Variants in RBM23 observed in about 807,000 individuals in gnomAD.
RBM23 encodes the protein probable RNA-binding protein 23.
Under a neutral mutation model 56.2 loss-of-function variants are expected in RBM23, and 53 were observed. The observed-to-expected ratio is 0.94, with a 90% CI of 0.76 to 1.19. The LOEUF (loss-of-function observed/expected upper bound fraction) is 1.19, where lower values mean the gene tolerates loss of function less well. Ranked by LOEUF, RBM23 falls within the 50% of genes most tolerant of loss-of-function variation. The pLI is 0.00. For synonymous variants in RBM23, 197 were observed against 198.5 expected, an observed-to-expected ratio of 0.99 and a Z score of 0.06; for missense variants, 642 against 590.3, an observed-to-expected ratio of 1.09 and a Z score of -0.91.
chr14:22,904,008 T>G, intron 10 of RBM23: 6 of 1,423,400 alleles, frequency 4.2e-6, no homozygotes, highest in Non-Finnish European at 5.5e-6. Flanking sequence ...AAGAGCCAAG[T>G]TGCAGCACCA....
At chr14:22,904,140 G>A (rs968568773) in intron 10 of RBM23, 121 bp downstream of exon 10, 1 of 1,574,420 alleles carries the variant, frequency 6.4e-7, no homozygotes, top group Non-Finnish European at 8.6e-7. Context: ...CAAGCTTCAG[G>A]CACCAGGGTT....
intron 10 of RBM23, chr14:22,903,799 C>A: frequency 9.6e-7 from 1 of 1,036,980 alleles, no homozygotes. Context: ...CACTATTCTC[C>A]CCATAGTGCT....
Position 22,899,409 on chromosome 14 carries a change from C to G in RBM23, c.*2321G>C, listed in dbSNP as rs544174125. ...CTTTTCTGTTTTTTTGAGATGGAGG[C>G]TCGCTCTGTTGCCCAGGCTGGAGTG... On this transcript the variant is annotated 3_prime_UTR_variant, in exon 14 of 14. Coordinates refer to ENST00000359890, the MANE Select transcript of RBM23 (RefSeq NM_001077351.2). 6.6e-6 allele frequency: 1 copy of G among 152,456 alleles called. No homozygotes were observed. The highest frequency in any genetic ancestry group is 1.5e-5 in the Non-Finnish European group (1 of 68,154). 9.4% of individuals were successfully genotyped at this position (152,456 alleles called of 1,614,324 possible).
rs1372017674 is a variant in RBM23, at chr14:22,895,837, G to C, written c.*5893C>G. 2 of 152,094 alleles carry C rather than the reference G, an allele frequency of 1.3e-5. No homozygotes were observed. Among genetic ancestry groups the C allele is most frequent in the African/African-American group, 2.4e-5 (1 of 41,414 alleles). The allele number at this position is 152,094 out of a possible 1,614,324, so 9.4% of individuals were successfully genotyped here. ...CTGCCAGACAAAGCTAATGGTGTTA[G>C]GTACCTTGAAGGTACCTGTGAGGGG... is the stretch of plus-strand genomic sequence containing the variant. On this transcript the variant is annotated 3_prime_UTR_variant, in exon 14 of 14. Coordinates refer to ENST00000359890, the MANE Select transcript of RBM23 (RefSeq NM_001077351.2).
chr14:22,904,249 C>CT lies in RBM23; in HGVS notation c.930+11dup, dbSNP rs757649567. ...AAAGTAAAATAAAAAAATTAAAAGA[C>CT]TAGAGACTCACCGTGATGAAACCAT... On this transcript the variant is annotated intron_variant, in intron 10 of 13. Coordinates refer to ENST00000359890, the MANE Select transcript of RBM23 (RefSeq NM_001077351.2). The CT allele has an allele frequency of 1.7e-5, 27 of 1,614,054 alleles. No homozygotes were observed. In the South Asian group the frequency reaches 2.4e-4, roughly 14 times the overall value.
At chr14:22,918,277 C>T (rs2043917699) in intron 1 of RBM23, among the ~76,000 whole-genome samples, 1 of 152,164 alleles carries the variant, frequency 6.6e-6, no homozygotes, top group Non-Finnish European at 1.5e-5. Context: ...CGCCTGTAAT[C>T]CCAGCTACTC....
intron 10 of RBM23, chr14:22,903,989 T>C (rs2041072481): frequency 1.1e-5 from 15 of 1,388,680 alleles, no homozygotes; most frequent in Non-Finnish European, 1.4e-5. Context: ...GCCTGGTTAC[T>C]ATTACCCAAA....
chr14:22,904,241 T>A lies in RBM23; in HGVS notation c.930+20A>T. The A allele has an allele frequency of 6.2e-7, 1 of 1,613,972 alleles. No individual in the cohort carries two copies. The highest frequency in any genetic ancestry group is 2.2e-5 in the East Asian group (1 of 44,868). On this transcript the variant is annotated intron_variant, in intron 10 of 13. Coordinates refer to ENST00000359890, the MANE Select transcript of RBM23 (RefSeq NM_001077351.2). ...ACAAACCCAAAGTAAAATAAAAAAA[T>A]TAAAAGACTAGAGACTCACCGTGAT...
At position 22,910,705 on chromosome 14, in the gene RBM23, T is replaced by TA. The variant is rs1024780669; in HGVS notation, c.66+622dup. Among the ~76,000 whole-genome samples, 5 of 151,658 alleles carry TA rather than the reference T, an allele frequency of 3.3e-5. 1 individual carries two copies. The highest frequency in any genetic ancestry group is 9.7e-5 in the African/African-American group (4 of 41,360). Reference sequence around the variant, plus strand: ...GCAACATAGCAAGACCCTGTCTCTATAAAAAATATATTAAAAAAGAAACTG... The same window carrying TA: ...GCAACATAGCAAGACCCTGTCTCTATAAAAAAATATATTAAAAAAGAAACTG... On this transcript the variant is annotated intron_variant, in intron 2 of 13. Coordinates refer to ENST00000359890, the MANE Select transcript of RBM23 (RefSeq NM_001077351.2).
chr14:22,904,044 C>T, intron 10 of RBM23: 2 of 1,498,308 alleles, frequency 1.3e-6, no homozygotes, highest in Non-Finnish European at 1.8e-6. Flanking sequence ...CTCCTGAACA[C>T]CCCCATACCA....
At chr14:22,910,730 G>A (rs980205587) in intron 2 of RBM23, among the ~76,000 whole-genome samples, 12 of 151,568 alleles carry the variant, frequency 7.9e-5, no homozygotes, top group African/African-American at 2.9e-4. Context: ...AAAAGAAACT[G>A]GGACGGGCGC....
At chr14:22,911,527 T>C in intron 1 of RBM23, 124 bp from the exon 2 acceptor site, 1 of 746,802 alleles carries the variant, frequency 1.3e-6, no homozygotes. Flanking sequence ...TTCTGTTTCT[T>C]GAACTGCAAA....
At position 22,904,303 on chromosome 14, in the gene RBM23, C is replaced by G; in HGVS notation, c.888G>C (p.Lys296Asn). 6.2e-7 allele frequency: 1 copy of G among 1,611,070 alleles called. No homozygotes were observed. The highest frequency in any genetic ancestry group is 8.5e-7 in the Non-Finnish European group (1 of 1,177,490). ...CTTTAGAGCGGCCTGTATCTGAGTCCTTCATCAGGACAATATTATCAATCT... is the reference window on the plus strand; with the variant it reads ...CTTTAGAGCGGCCTGTATCTGAGTCGTTCATCAGGACAATATTATCAATCT... Reference protein sequence around the residue: ...FGKIDNIVLMKDSDTGRSKGY... With the variant: ...FGKIDNIVLMNDSDTGRSKGY... The change falls in exon 10 of 14, where the codon AAG (lysine) becomes AAC (asparagine). Residue 296 changes from lysine to asparagine, a missense_variant. Lys to Asn is a moderately conservative substitution (Grantham distance 94). Transcript: ENST00000359890.
chr14:22,905,760 GT>G (rs1191377258), intron 5 of RBM23, 101 bp from the exon 6 acceptor site: 6 of 934,180 alleles, frequency 6.4e-6, no homozygotes, highest in South Asian at 1.5e-5. Context: ...TCATCTCATT[GT>G]TTTTTTAAGA....
rs1040187873 is a variant in RBM23 at position 22,909,578 on chromosome 14, T to C, written c.84A>G (p.Lys28=). The change falls in exon 3 of 14, where the codon AAA becomes AAG. Residue 28 remains lysine, a synonymous_variant. Transcript: ENST00000359890. ...YKKEEDEQQR[K]EVKKDYPSNT... ...TGCTAGGATAATCCTTTTTAACTTC[T>C]TTCCTTTGTTGCTCATCCTGAGGCA... 6.2e-7 allele frequency: 1 copy of C among 1,613,462 alleles called. No homozygotes were observed. The highest frequency in any genetic ancestry group is 8.5e-7 in the Non-Finnish European group (1 of 1,179,964).
intron 4 of RBM23, 140 bp from the exon 5 acceptor site, chr14:22,906,508 C>A: frequency 2.1e-6 from 2 of 974,538 alleles, no homozygotes; most frequent in Non-Finnish European, 3.0e-6. Flanking sequence ...ACTGTAATGT[C>A]GTAATGTATT....
At position 22,896,810 on chromosome 14, in the gene RBM23, C is replaced by G. The variant is rs1199483994; in HGVS notation, c.*4920G>C. On this transcript the variant is annotated 3_prime_UTR_variant, in exon 14 of 14. Coordinates refer to ENST00000359890, the MANE Select transcript of RBM23 (RefSeq NM_001077351.2). ...TTCACAGAGCTCTCTCAACCAAGGGCACACCAGAGAGCAAACCAGTCCTGG... is the reference window on the plus strand; with the variant it reads ...TTCACAGAGCTCTCTCAACCAAGGGGACACCAGAGAGCAAACCAGTCCTGG... 6.6e-6 allele frequency: 1 copy of G among 152,210 alleles called. No homozygotes were observed. The highest frequency in any genetic ancestry group is 1.9e-4 in the East Asian group (1 of 5,202). The allele number at this position is 152,210 out of a possible 1,614,324, so 9.4% of individuals were successfully genotyped here.
Position 22,908,368 on chromosome 14 carries a change from ACTC to A in RBM23, c.189_191del (p.Arg63del). 6.5e-7 allele frequency: 1 copy of A among 1,538,120 alleles called. No homozygotes were observed. The highest frequency in any genetic ancestry group is 8.7e-7 in the Non-Finnish European group (1 of 1,143,220). On this transcript the variant is annotated inframe_deletion, in exon 4 of 14. Coordinates refer to ENST00000359890, the MANE Select transcript of RBM23 (RefSeq NM_001077351.2). ...TATCCCTGCTTTTATTATGGCTCCG[ACTC>A]CTCTTCTTCCTGTGAAAGAGAGTAC...
At chr14:22,917,017 C>A (rs1159843338) in intron 1 of RBM23, 1 of 152,024 alleles carries the variant, frequency 6.6e-6, no homozygotes, top group Non-Finnish European at 1.5e-5. Context: ...TACAGGCAGG[C>A]ACCACCACAC....
Sources: allele counts gnomAD v4.1 joint callset (sites outside exome capture counted in the v4.1 genomes callset), GRCh38; gene constraint gnomAD v4.1.1; transcripts MANE v1.5; gene names NCBI Gene and HGNC (gene_info 2026-07-23, HGNC 2026-07-21).